Variants in GPR176 observed in about 807,000 individuals in gnomAD.
GPR176 encodes the protein G-protein coupled receptor 176.
In GPR176, 26 loss-of-function variants were observed where a neutral mutation model predicts 35.4. The ratio of observed to expected loss-of-function variants is 0.74; its 90% confidence interval spans 0.54 to 1.02. The LOEUF is 1.02. Among genes scored for constraint, GPR176 ranks in the 50% least tolerant of loss-of-function variants. GPR176 has a pLI of 0.00. For synonymous variants in GPR176, 278 were observed against 271.3 expected (o/e 1.02, Z -0.24); for missense variants, 597 against 665.3 (o/e 0.90, Z 1.13).
chr15:39,857,133 T>C (rs1003099549), intron 1 of GPR176, among the ~76,000 whole-genome samples: 2 of 152,138 alleles, frequency 1.3e-5, no homozygotes, highest in East Asian at 1.9e-4. Flanking sequence ...AGCAAAGCCA[T>C]GGGTGTGTAT....
chr15:39,809,987 T>C (rs896868484), intron 1 of GPR176, among the ~76,000 whole-genome samples: 4 of 151,858 alleles, frequency 2.6e-5, no homozygotes, highest in Non-Finnish European at 1.5e-5. Context: ...CTACTAAATA[T>C]ACAAAAAATT....
At chr15:39,889,775 G>C (rs983487402) in intron 1 of GPR176, among the ~76,000 whole-genome samples, 3 of 151,974 alleles carry the variant, frequency 2.0e-5, no homozygotes, top group African/African-American at 7.3e-5. Context: ...TATATCCCTA[G>C]TACCTAGAGC....
intron 1 of GPR176, among the ~76,000 whole-genome samples, chr15:39,812,818 T>G (rs1566937274): frequency 6.6e-6 from 1 of 151,758 alleles, no homozygotes; most frequent in African/African-American, 2.4e-5. Flanking sequence ...CCCAGCTGAC[T>G]GCAACCTCCG....
intron 1 of GPR176, among the ~76,000 whole-genome samples, chr15:39,861,347 C>T (rs2031574648): frequency 1.3e-5 from 2 of 151,994 alleles, no homozygotes; most frequent in Admixed American, 6.6e-5. Flanking sequence ...GTCAAGAGAT[C>T]GAGACCACCC....
intron 1 of GPR176, chr15:39,829,423 A>G: frequency 1.0e-6 from 1 of 971,752 alleles, no homozygotes; most frequent in East Asian, 5.0e-5. Flanking sequence ...GTGAGGTTGC[A>G]GGATCTACAG....
intron 1 of GPR176, among the ~76,000 whole-genome samples, chr15:39,907,279 C>T (rs892199769): frequency 1.3e-5 from 2 of 152,230 alleles, no homozygotes; most frequent in African/African-American, 4.8e-5. Flanking sequence ...TCGGTGCCTT[C>T]TGCCTTTGCA....
At chr15:39,844,185 C>T (rs1264091239) in intron 1 of GPR176, among the ~76,000 whole-genome samples, 3 of 152,236 alleles carry the variant, frequency 2.0e-5, no homozygotes, top group African/African-American at 7.2e-5. Flanking sequence ...ACCACAAGAA[C>T]AGTGGTCCTC....
chr15:39,902,938 G>C (rs2033319852), intron 1 of GPR176, among the ~76,000 whole-genome samples: 2 of 152,308 alleles, frequency 1.3e-5, no homozygotes, highest in South Asian at 2.1e-4. Context: ...CTCTCAATTA[G>C]AGATGGTCCC....
At chr15:39,820,184 A>G (rs976122151) in intron 1 of GPR176, among the ~76,000 whole-genome samples, 1 of 152,118 alleles carries the variant, frequency 6.6e-6, no homozygotes, top group Admixed American at 6.5e-5. Context: ...GTGTTTGCGC[A>G]GTGAGGAGCT....
intron 1 of GPR176, chr15:39,894,539 A>G (rs1026027534): frequency 3.9e-5 from 7 of 181,262 alleles, no homozygotes; most frequent in Admixed American, 6.2e-5. Flanking sequence ...CACCTCCCAG[A>G]CAGGGTCGCG....
At chr15:39,833,317 GA>G (rs1217581062) in intron 1 of GPR176, among the ~76,000 whole-genome samples, 3 of 152,080 alleles carry the variant, frequency 2.0e-5, no homozygotes, top group East Asian at 3.9e-4. Flanking sequence ...ATATTAAAAG[GA>G]ATAAAAAAGA....
intron 1 of GPR176, among the ~76,000 whole-genome samples, chr15:39,877,982 T>C (rs1245396878): frequency 6.6e-6 from 1 of 152,192 alleles, no homozygotes; most frequent in Non-Finnish European, 1.5e-5. Flanking sequence ...TACTGAAGTA[T>C]AACTGAAAAT....
intron 1 of GPR176, among the ~76,000 whole-genome samples, chr15:39,913,638 C>T (rs57489891): frequency 0.084 from 12,812 of 152,070 alleles, 926 homozygotes; most frequent in Admixed American, 0.21. Context: ...AAAGGCAGTG[C>T]TACTACCGAA....
At chr15:39,802,421 C>T (rs1300136659) in intron 2 of GPR176, among the ~76,000 whole-genome samples, 167 bp from the exon 3 acceptor site, 1 of 152,218 alleles carries the variant, frequency 6.6e-6, no homozygotes, top group East Asian at 1.9e-4. Context: ...GTTTTGAGGA[C>T]TTTGCAAGTA....
At chr15:39,913,809 G>T (rs2033645698) in intron 1 of GPR176, among the ~76,000 whole-genome samples, 2 of 152,332 alleles carry the variant, frequency 1.3e-5, no homozygotes, top group Middle Eastern at 3.4e-3. Flanking sequence ...CACTTTGGGA[G>T]GCCAAGGCAG....
intron 1 of GPR176, among the ~76,000 whole-genome samples, chr15:39,810,836 C>A (rs1010782763): frequency 2.6e-5 from 4 of 152,200 alleles, no homozygotes; most frequent in Non-Finnish European, 5.9e-5. Context: ...TAGTATACAC[C>A]TTGTGATGCA....
At chr15:39,809,872 G>A (rs1336289472) in intron 1 of GPR176, among the ~76,000 whole-genome samples, 2 of 152,098 alleles carry the variant, frequency 1.3e-5, no homozygotes, top group African/African-American at 2.4e-5. Context: ...ATGGCCGGGC[G>A]CGGTGGCTCA....
intron 2 of GPR176, among the ~76,000 whole-genome samples, chr15:39,802,720 T>G (rs552985721): frequency 6.6e-6 from 1 of 152,346 alleles, no homozygotes; most frequent in South Asian, 2.1e-4. Flanking sequence ...CAGAAATAAG[T>G]TTGTCTACAC....
At chr15:39,886,553 G>T (rs942382882) in intron 1 of GPR176, among the ~76,000 whole-genome samples, 2 of 152,138 alleles carry the variant, frequency 1.3e-5, no homozygotes, top group East Asian at 3.8e-4. Context: ...AAGCCTGAAT[G>T]ATCTCAAAAA....
Sources: allele counts gnomAD v4.1 joint callset (sites outside exome capture counted in the v4.1 genomes callset), GRCh38; gene constraint gnomAD v4.1.1; transcripts MANE v1.5; gene names NCBI Gene and HGNC (gene_info 2026-07-23, HGNC 2026-07-21).